Variants in ANKRD30B observed in about 807,000 individuals in gnomAD.
ANKRD30B encodes the protein ankyrin repeat domain-containing protein 30B.
A neutral mutation model predicts 202.2 loss-of-function variants in ANKRD30B; 144 were observed. The ratio of observed to expected loss-of-function variants is 0.71; its 90% CI spans 0.62 to 0.82. The LOEUF is 0.82. ANKRD30B is among the 40% of genes least tolerant of loss of function. The pLI, the probability that ANKRD30B is intolerant of heterozygous loss-of-function variation, is 0.00. For synonymous variants in ANKRD30B, 508 were observed against 561.3 expected, an observed-to-expected ratio of 0.91 and a Z score of 1.34; for missense variants, 1,487 against 1,669.1, an observed-to-expected ratio of 0.89 and a Z score of 1.90.
chr18:14,752,769 G>C, intron 2 of ANKRD30B, 70 bp from the exon 3 acceptor site: 1 of 1,540,066 alleles, frequency 6.5e-7, no homozygotes, highest in African/African-American at 1.4e-5. Context: ...CAACTAGTTT[G>C]TGAAACCTGT....
chr18:14,774,425 G>A lies in ANKRD30B; in HGVS notation c.1329+2197G>A, dbSNP rs578146946. 8.3e-4 allele frequency among the ~76,000 whole-genome samples: 126 copies of A among 152,092 alleles called. 1 individual carries two copies. Among genetic ancestry groups the A allele is most frequent in the Non-Finnish European group, 1.5e-3 (99 of 67,992 alleles). ...CACAGAATACATTTCTTCAGTGTCT[G>A]CTTTTTAGAGCATTGCTGTCTCAAT... On this transcript the variant is annotated intron_variant, in intron 9 of 43. Coordinates refer to ENST00000690538, the MANE Select transcript of ANKRD30B (RefSeq NM_001367607.2).
the ANKRD30B span, among the ~76,000 whole-genome samples, chr18:14,919,845 C>A: frequency 6.6e-6 from 1 of 152,170 alleles, no homozygotes; most frequent in Non-Finnish European, 1.5e-5. Context: ...TGTTTAAAAA[C>A]GTTCTGCACC....
intron 7 of ANKRD30B, among the ~76,000 whole-genome samples, 180 bp from the exon 8 acceptor site, chr18:14,769,163 C>G (rs1305583093): frequency 6.6e-6 from 1 of 152,146 alleles, no homozygotes; most frequent in Non-Finnish European, 1.5e-5. Context: ...AAGTTGAAGT[C>G]TCGCAATGTC....
the ANKRD30B span, among the ~76,000 whole-genome samples, chr18:14,904,144 G>A: frequency 6.6e-6 from 1 of 152,202 alleles, no homozygotes; most frequent in African/African-American, 2.4e-5. Flanking sequence ...TTGACCTACT[G>A]TGTTTATCGG....
chr18:14,880,582 T>C, the ANKRD30B span, among the ~76,000 whole-genome samples: 2 of 149,658 alleles, frequency 1.3e-5, no homozygotes, highest in African/African-American at 4.9e-5. Context: ...TTTTTTTTTT[T>C]CAGGGGGAGT....
chr18:14,781,288 C>CTTTT (rs892666549), intron 11 of ANKRD30B, among the ~76,000 whole-genome samples: 1,493 of 85,714 alleles, frequency 0.017, 40 homozygotes, highest in Middle Eastern at 0.025. Flanking sequence ...TCTGAGTATT[C>CTTTT]TTTTTTTTTT....
chr18:14,874,514 A>G, the ANKRD30B span, among the ~76,000 whole-genome samples: 7 of 152,226 alleles, frequency 4.6e-5, no homozygotes, highest in South Asian at 2.1e-4. Flanking sequence ...TGATGTTTTC[A>G]TAACATTCCA....
chr18:14,786,550 A>T (rs1253611142), intron 14 of ANKRD30B, among the ~76,000 whole-genome samples: 1 of 152,232 alleles, frequency 6.6e-6, no homozygotes, highest in Non-Finnish European at 1.5e-5. Flanking sequence ...AAAGGGTTGG[A>T]CATATAGTTG....
chr18:14,831,314 A>T (rs981247144), intron 33 of ANKRD30B, 69 bp from the exon 34 acceptor site: 23 of 1,071,528 alleles, frequency 2.1e-5, no homozygotes, highest in Non-Finnish European at 2.7e-5. Context: ...GAGCACTAAG[A>T]TATGAACTGG....
chr18:14,893,483 T>G, the ANKRD30B span, among the ~76,000 whole-genome samples: 2 of 152,130 alleles, frequency 1.3e-5, no homozygotes, highest in East Asian at 3.9e-4. Context: ...TGATGGTGGC[T>G]GTCTGTAATC....
chr18:14,907,819 A>G, the ANKRD30B span, among the ~76,000 whole-genome samples: 1 of 151,968 alleles, frequency 6.6e-6, no homozygotes, highest in Non-Finnish European at 1.5e-5. Flanking sequence ...CTTTTTTCCA[A>G]ACTGACACTC....
intron 16 of ANKRD30B, among the ~76,000 whole-genome samples, chr18:14,795,408 G>T (rs1968805852): frequency 6.6e-6 from 1 of 152,154 alleles, no homozygotes; most frequent in African/African-American, 2.4e-5. Context: ...TTTTGGCCAG[G>T]CTGCTTTGGA....
chr18:14,772,301 G>A (rs1967055874), intron 9 of ANKRD30B, 73 bp downstream of exon 9: 1 of 884,124 alleles, frequency 1.1e-6, no homozygotes, highest in Non-Finnish European at 1.6e-6. Context: ...TAGCAGTGGT[G>A]TATGTATCAT....
chr18:14,766,871 A>C (rs1481925674), intron 7 of ANKRD30B, among the ~76,000 whole-genome samples: 1 of 152,210 alleles, frequency 6.6e-6, no homozygotes, highest in East Asian at 1.9e-4. Context: ...AGTTACTTTT[A>C]AATGTGAGAA....
At chr18:14,782,885 G>A (rs1323074688) in intron 12 of ANKRD30B, among the ~76,000 whole-genome samples, 2 of 151,610 alleles carry the variant, frequency 1.3e-5, no homozygotes, top group Admixed American at 6.6e-5. Flanking sequence ...GGAGTAAAAA[G>A]GGAATGAAGA....
the ANKRD30B span, among the ~76,000 whole-genome samples, chr18:14,882,751 T>C: frequency 1.4e-4 from 21 of 152,070 alleles, no homozygotes; most frequent in South Asian, 1.5e-3. Flanking sequence ...TCATTTCTTA[T>C]GTCTACTAGT....
At chr18:14,773,431 T>A (rs1967141889) in intron 9 of ANKRD30B, among the ~76,000 whole-genome samples, 1 of 152,162 alleles carries the variant, frequency 6.6e-6, no homozygotes, top group Non-Finnish European at 1.5e-5. Flanking sequence ...ATATTACAAG[T>A]GAGATAATAT....
At chr18:14,820,536 C>T (rs2144108949) in intron 30 of ANKRD30B, among the ~76,000 whole-genome samples, 1 of 152,230 alleles carries the variant, frequency 6.6e-6, no homozygotes, top group African/African-American at 2.4e-5. Flanking sequence ...AGATACATCC[C>T]ATCAATACCT....
At chr18:14,893,386 G>A in the ANKRD30B span, among the ~76,000 whole-genome samples, 10 of 152,214 alleles carry the variant, frequency 6.6e-5, no homozygotes, top group East Asian at 1.9e-4. Flanking sequence ...CAACGCAGGC[G>A]GATCACCTGA....
Sources: gnomAD v4.1 joint callset for allele counts (sites outside exome capture counted in the v4.1 genomes callset) on GRCh38, gnomAD v4.1.1 for gene constraint, MANE v1.5 for transcripts, NCBI Gene and HGNC (gene_info 2026-07-23, HGNC 2026-07-21) for gene names.